Variants in PHYH observed in about 807,000 individuals in gnomAD.
PHYH encodes the protein phytanoyl-CoA 2-hydroxylase.
Under a neutral mutation model 38.5 loss-of-function variants are expected in PHYH, and 32 were observed. That is an observed-to-expected ratio of 0.83 (90% CI 0.63 to 1.12). PHYH has a LOEUF of 1.12. Ranked by LOEUF, PHYH falls within the 50% of genes most tolerant of loss-of-function variation. The probability of loss-of-function intolerance (pLI) is 0.00; values close to 1 mark genes in which losing one functional copy is unlikely to be tolerated. For missense variants in PHYH, 426 were observed against 434.8 expected (o/e 0.98, Z 0.18); for synonymous variants, 166 against 157.9 (o/e 1.05, Z -0.38).
At chr10:13,286,253 C>T (rs1476314143) in intron 6 of PHYH, among the ~76,000 whole-genome samples, 2 of 152,072 alleles carry the variant, frequency 1.3e-5, no homozygotes, top group South Asian at 2.1e-4. Context: ...ACCTCTAACG[C>T]GTCCTGCACC....
intron 5 of PHYH, among the ~76,000 whole-genome samples, chr10:13,291,223 G>A (rs1835703176): frequency 1.3e-5 from 2 of 151,798 alleles, no homozygotes; most frequent in South Asian, 2.1e-4. Context: ...CACTATCACA[G>A]CTAAAAAGAG....
intron 1 of PHYH, among the ~76,000 whole-genome samples, chr10:13,298,922 AAATAATAAT>A (rs61660763): frequency 0.019 from 1,082 of 58,044 alleles, 11 homozygotes; most frequent in African/African-American, 0.033. Flanking sequence ...TCCGTCTCAA[AAATAATAAT>A]AATAATAATA....
At chr10:13,283,624 G>A in intron 7 of PHYH, 66 bp downstream of exon 7, 1 of 1,422,114 alleles carries the variant, frequency 7.0e-7, no homozygotes, top group Non-Finnish European at 1.0e-6. Flanking sequence ...TGAATTCAAT[G>A]AATTGAATAC....
At position 13,283,985 on chromosome 10, in the gene PHYH, AT is replaced by A. The variant is rs570812472; in HGVS notation, c.679-147del. ...ATAAATGTCTAAATTAAATGCTTAC[AT>A]TTTTTTCAGTATACAAAAGCCTCTC... On this transcript the variant is annotated intron_variant, in intron 6 of 8. Transcript: ENST00000263038. 10 of 856,550 alleles carry A rather than the reference AT, an allele frequency of 1.2e-5. No individual in the cohort carries two copies. The East Asian group carries it at 1.7e-4, about 14-fold the overall frequency. 53.1% of individuals were successfully genotyped at this position (856,550 alleles called of 1,614,324 possible). A position where few individuals can be genotyped will look rare whatever the true frequency, so the allele number is the denominator to read the frequency against.
chr10:13,285,048 T>C (rs1835513656), intron 6 of PHYH, among the ~76,000 whole-genome samples: 1 of 152,188 alleles, frequency 6.6e-6, no homozygotes, highest in Non-Finnish European at 1.5e-5. Flanking sequence ...CCCACTGCAG[T>C]TGCATGCACC....
At chr10:13,298,718 C>CACCACTACTACTACT (rs1554785618) in intron 1 of PHYH, among the ~76,000 whole-genome samples, 10 of 93,436 alleles carry the variant, frequency 1.1e-4, no homozygotes, top group African/African-American at 3.4e-4. Context: ...AAACTACCAC[C>CACCACTACTACTACT]ACTACTACTA....
chr10:13,295,462 T>TAA, intron 3 of PHYH, 34 bp downstream of exon 3: 1 of 1,000,790 alleles, frequency 1.0e-6, no homozygotes, highest in Non-Finnish European at 1.6e-6. Flanking sequence ...ACACAATACA[T>TAA]ACTATTGTAA....
chr10:13,297,416 T>C (rs536413506), intron 2 of PHYH, among the ~76,000 whole-genome samples: 1 of 145,420 alleles, frequency 6.9e-6, no homozygotes, highest in African/African-American at 2.5e-5. Flanking sequence ...AGATGCTAGC[T>C]AATATGTCCA....
rs1055218734 is a variant in PHYH at position 13,280,894 on chromosome 10, A to G, written c.963+82T>C. 2.3e-5 allele frequency: 30 copies of G among 1,333,318 alleles called. No homozygotes were observed. In the African/African-American group the frequency reaches 4.2e-4, roughly 19 times the overall value. The allele number at this position is 1,333,318 out of a possible 1,614,324, so 82.6% of individuals were successfully genotyped here. A position where few individuals can be genotyped will look rare whatever the true frequency, so the allele number is the denominator to read the frequency against. On this transcript the variant is annotated intron_variant, in intron 8 of 8. Coordinates refer to ENST00000263038, the MANE Select transcript of PHYH (RefSeq NM_006214.4). ...AAACCCAAGCACTATATACTGTCAA[A>G]TAAACTAGGTATGAGAATTATGAAG... is the stretch of plus-strand genomic sequence containing the variant.
In PHYH at chr10:13,283,735, C is replaced by T; in HGVS notation, c.783G>A (p.Leu261=). 1 of 1,614,100 alleles carries T rather than the reference C, an allele frequency of 6.2e-7. No homozygotes were observed. Reference sequence around the variant, plus strand: ...TATTCTGACCAGATCCGTGGATGAGCAAAGGATGGAAGAAAACAGTGTCGC... The same window carrying T: ...TATTCTGACCAGATCCGTGGATGAGTAAAGGATGGAAGAAAACAGTGTCGC... ...EKGDTVFFHP[L]LIHGSGQNKT... The change falls in exon 7 of 9, where the codon TTG becomes TTA. Residue 261 remains leucine (L), a synonymous_variant. Coordinates refer to ENST00000263038, the MANE Select transcript of PHYH (RefSeq NM_006214.4).
At chr10:13,299,182 C>T (rs1231142067) in intron 1 of PHYH, among the ~76,000 whole-genome samples, 3 of 150,654 alleles carry the variant, frequency 2.0e-5, no homozygotes, top group Non-Finnish European at 4.4e-5. Context: ...TTTTAAAGAT[C>T]TCCTTTCTAT....
intron 4 of PHYH, among the ~76,000 whole-genome samples, chr10:13,292,974 C>G (rs111861271): frequency 0.013 from 1,915 of 148,894 alleles, 46 homozygotes; most frequent in African/African-American, 0.045. Context: ...GAAAATAAAA[C>G]AACCCATGAT....
intron 6 of PHYH, among the ~76,000 whole-genome samples, chr10:13,285,398 G>A (rs1332523733): frequency 6.6e-6 from 1 of 151,928 alleles, no homozygotes; most frequent in Non-Finnish European, 1.5e-5. Flanking sequence ...TGGCCATGCT[G>A]GTCTCAAACT....
chr10:13,289,636 CA>C (rs1381228854), intron 5 of PHYH, among the ~76,000 whole-genome samples: 2 of 151,834 alleles, frequency 1.3e-5, no homozygotes, highest in East Asian at 1.9e-4. Context: ...TGGCTGATGT[CA>C]AAAAAAGTTC....
At chr10:13,294,098 A>G (rs566369144) in intron 4 of PHYH, among the ~76,000 whole-genome samples, 3 of 152,126 alleles carry the variant, frequency 2.0e-5, no homozygotes, top group Non-Finnish European at 4.4e-5. Flanking sequence ...GCTACTTGGG[A>G]GGCTGGGGCA....
rs1048643445 is a variant in PHYH at position 13,288,384 on chromosome 10, C to T, written c.654G>A (p.Lys218=). 1.2e-6 allele frequency: 2 copies of T among 1,613,864 alleles called. No homozygotes were observed. Among genetic ancestry groups the T allele is most frequent in the Admixed American group, 1.7e-5 (1 of 60,006 alleles). ...CCTCCCACTTGGGGTAATCGTGGGG[C>T]TTCAGGGAGCCCTTGTGTGTGCCTG... The part of the protein sequence containing the change: ...VLPGTHKGSL[K]PHDYPKWEGG... The change falls in exon 6 of 9, where the codon AAG becomes AAA. Residue 218 remains lysine (K), a synonymous_variant. Coordinates refer to ENST00000263038, the MANE Select transcript of PHYH (RefSeq NM_006214.4).
rs551894585 is a variant in PHYH at position 13,292,035 on chromosome 10, G to C, written c.415-123C>G. ...AAGGCAATAGTTTAAGAACCAAGCG[G>C]TATTTCACAACATTGCAAACAAAGC... On this transcript the variant is annotated intron_variant, in intron 4 of 8. Transcript: ENST00000263038. 7.2e-5 allele frequency: 51 copies of C among 712,642 alleles called. No homozygotes were observed. In the African/African-American group the frequency reaches 8.1e-4, roughly 11 times the overall value. 44.1% of individuals were successfully genotyped at this position (712,642 alleles called of 1,614,324 possible). A position where few individuals can be genotyped will look rare whatever the true frequency, so the allele number is the denominator to read the frequency against.
intron 7 of PHYH, among the ~76,000 whole-genome samples, chr10:13,282,003 T>C (rs977141072): frequency 1.3e-5 from 2 of 152,172 alleles, no homozygotes; most frequent in Non-Finnish European, 2.9e-5. Context: ...TCCAGTACTC[T>C]GGGAGGCCAA....
intron 4 of PHYH, among the ~76,000 whole-genome samples, chr10:13,293,516 G>A (rs1440984732): frequency 6.6e-6 from 1 of 152,010 alleles, no homozygotes; most frequent in Admixed American, 6.6e-5. Context: ...GTCTCAGGCT[G>A]GTCTCAAACT....
Sources: allele counts gnomAD v4.1 joint callset (sites outside exome capture counted in the v4.1 genomes callset), GRCh38; gene constraint gnomAD v4.1.1; transcripts MANE v1.5; gene names NCBI Gene and HGNC (gene_info 2026-07-23, HGNC 2026-07-21).